TMEM132D: variants seen among roughly 807,000 people sequenced by gnomAD.
TMEM132D encodes the protein mature OL transmembrane protein.
A neutral mutation model predicts 62.3 loss-of-function variants in TMEM132D; 21 were observed. That is an observed-to-expected ratio of 0.34 (90% CI 0.24 to 0.49). The LOEUF (loss-of-function observed/expected upper bound fraction) is 0.49, where lower values mean the gene tolerates loss of function less well. TMEM132D is among the 20% of genes least tolerant of loss of function. TMEM132D has a pLI of 0.99. For missense variants in TMEM132D, 1,346 were observed against 1,402.8 expected, an observed-to-expected ratio of 0.96 and a Z score of 0.65; for synonymous variants, 621 against 575.6, an observed-to-expected ratio of 1.08 and a Z score of -1.13.
chr12:129,467,990 C>T (rs1164272761), intron 3 of TMEM132D, among the ~76,000 whole-genome samples: 2 of 152,130 alleles, frequency 1.3e-5, no homozygotes, highest in South Asian at 2.1e-4. Context: ...TAACGAAGCT[C>T]TCAATGTGCT....
intron 3 of TMEM132D, among the ~76,000 whole-genome samples, chr12:129,515,571 C>T (rs1266956691): frequency 6.6e-6 from 1 of 152,096 alleles, no homozygotes; most frequent in African/African-American, 2.4e-5. Flanking sequence ...AGCAAGAATG[C>T]CACTATGACC....
At chr12:129,452,418 G>A (rs1873322615) in intron 3 of TMEM132D, among the ~76,000 whole-genome samples, 5 of 152,152 alleles carry the variant, frequency 3.3e-5, no homozygotes, top group African/African-American at 1.2e-4. Flanking sequence ...AAGTGATTTG[G>A]CTCACATTCC....
rs762607529 is a variant in TMEM132D at position 129,704,284 on chromosome 12, G to T, written c.80-3586C>A. 2.2e-3 allele frequency among the ~76,000 whole-genome samples: 337 copies of T among 152,326 alleles called. 2 individuals carry two copies. The highest frequency in any genetic ancestry group is 3.3e-3 in the Non-Finnish European group (223 of 68,034). Reference sequence around the variant, plus strand: ...TAGCTGTAAGATATCTGATATCTAGGCAGCTGACAAATCTACCCTGATATC... The same window carrying T: ...TAGCTGTAAGATATCTGATATCTAGTCAGCTGACAAATCTACCCTGATATC... On this transcript the variant is annotated intron_variant, in intron 1 of 8. Coordinates refer to ENST00000422113, the MANE Select transcript of TMEM132D (RefSeq NM_133448.3).
chr12:129,663,130 C>T (rs746827004), intron 2 of TMEM132D, among the ~76,000 whole-genome samples: 41 of 151,654 alleles, frequency 2.7e-4, no homozygotes, highest in Non-Finnish European at 5.0e-4. Flanking sequence ...AGCCCAGCAA[C>T]GTCTGCCCTT....
chr12:129,718,404 C>A lies in TMEM132D; in HGVS notation c.80-17706G>T, dbSNP rs2137241866. ...AGGAACGAGCTGACGCCTAACAAAA[C>A]ATTCACGTCTGGTGCCCATGTTACC... On this transcript the variant is annotated intron_variant, in intron 1 of 8. Coordinates refer to ENST00000422113, the MANE Select transcript of TMEM132D (RefSeq NM_133448.3). Among the ~76,000 whole-genome samples, 5 of 152,348 alleles carry A rather than the reference C, an allele frequency of 3.3e-5. 1 individual carries two copies. The South Asian group carries it at 1.0e-3, about 32-fold the overall frequency.
At chr12:129,759,225 C>T (rs1000749794) in intron 1 of TMEM132D, among the ~76,000 whole-genome samples, 2 of 152,178 alleles carry the variant, frequency 1.3e-5, no homozygotes, top group East Asian at 1.9e-4. Flanking sequence ...TGAGCCACCA[C>T]GCCGGGTCAC....
At chr12:129,301,643 G>C (rs979961062) in intron 4 of TMEM132D, among the ~76,000 whole-genome samples, 2 of 152,118 alleles carry the variant, frequency 1.3e-5, no homozygotes, top group African/African-American at 4.8e-5. Context: ...GAGCGCAAAA[G>C]CTAACATTTA....
At chr12:129,253,077 A>C (rs1729490919) in intron 4 of TMEM132D, among the ~76,000 whole-genome samples, 1 of 150,694 alleles carries the variant, frequency 6.6e-6, no homozygotes, top group African/African-American at 2.4e-5. Context: ...GCATTAGGAG[A>C]TATACCCAAT....
At chr12:129,523,019 A>T (rs1272946414) in intron 3 of TMEM132D, among the ~76,000 whole-genome samples, 2 of 152,188 alleles carry the variant, frequency 1.3e-5, no homozygotes, top group Admixed American at 6.5e-5. Flanking sequence ...AGATACAGAC[A>T]TAGAAATTTT....
At chr12:129,486,670 T>G (rs532273564) in intron 3 of TMEM132D, among the ~76,000 whole-genome samples, 5 of 152,332 alleles carry the variant, frequency 3.3e-5, no homozygotes, top group Non-Finnish European at 2.9e-5. Flanking sequence ...GATGTCCATG[T>G]GGACACGACC....
At chr12:129,778,112 C>CT (rs1871001719) in intron 1 of TMEM132D, among the ~76,000 whole-genome samples, 1 of 62,178 alleles carries the variant, frequency 1.6e-5, no homozygotes, top group Admixed American at 2.3e-4. Flanking sequence ...GAGACCCTGT[C>CT]TCAAAAAAAA....
At chr12:129,807,164 A>C (rs562790530) in intron 1 of TMEM132D, among the ~76,000 whole-genome samples, 43 of 152,356 alleles carry the variant, frequency 2.8e-4, no homozygotes, top group African/African-American at 9.9e-4. Context: ...ACGTGACCAC[A>C]GTGGATGTCC....
intron 3 of TMEM132D, among the ~76,000 whole-genome samples, chr12:129,515,889 C>T (rs942682975): frequency 2.6e-5 from 4 of 152,178 alleles, no homozygotes; most frequent in African/African-American, 9.7e-5. Flanking sequence ...ACATGTAAAA[C>T]CTTGGTTAAA....
intron 2 of TMEM132D, among the ~76,000 whole-genome samples, chr12:129,635,833 A>G (rs1431987563): frequency 1.3e-5 from 2 of 152,166 alleles, no homozygotes; most frequent in Non-Finnish European, 2.9e-5. Context: ...AAGGTGGTTG[A>G]GGTGCAGCAT....
intron 1 of TMEM132D, among the ~76,000 whole-genome samples, chr12:129,748,494 A>G (rs1260173210): frequency 1.3e-5 from 2 of 152,174 alleles, no homozygotes; most frequent in African/African-American, 4.8e-5. Context: ...TTAAATATTA[A>G]CAGGGAGAAA....
intron 1 of TMEM132D, among the ~76,000 whole-genome samples, chr12:129,785,168 C>A (rs1038877182): frequency 6.6e-6 from 1 of 152,128 alleles, no homozygotes; most frequent in African/African-American, 2.4e-5. Flanking sequence ...TGTGTAGGCG[C>A]CGTCCTAGGG....
chr12:129,375,497 T>A (rs1870757627), intron 3 of TMEM132D, among the ~76,000 whole-genome samples: 1 of 152,176 alleles, frequency 6.6e-6, no homozygotes, highest in Non-Finnish European at 1.5e-5. Flanking sequence ...CTTGGTATTT[T>A]AAAAAATTCC....
At chr12:129,892,560 T>C (rs918620357) in intron 1 of TMEM132D, among the ~76,000 whole-genome samples, 3 of 152,220 alleles carry the variant, frequency 2.0e-5, no homozygotes, top group Non-Finnish European at 2.9e-5. Flanking sequence ...ACTACCTTTA[T>C]GGACATTCTA....
chr12:129,264,490 C>T (rs1425779021), intron 4 of TMEM132D, among the ~76,000 whole-genome samples: 1 of 152,146 alleles, frequency 6.6e-6, no homozygotes, highest in African/African-American at 2.4e-5. Context: ...CTAGTGCAGC[C>T]ACTAAGGAAA....
Sources: gnomAD v4.1 joint callset for allele counts (sites outside exome capture counted in the v4.1 genomes callset) on GRCh38, gnomAD v4.1.1 for gene constraint, MANE v1.5 for transcripts, NCBI Gene and HGNC (gene_info 2026-07-23, HGNC 2026-07-21) for gene names.